MINDY4: variants seen among roughly 807,000 people sequenced by gnomAD.
MINDY4 encodes probable ubiquitin carboxyl-terminal hydrolase MINDY-4.
Under a neutral mutation model 87.0 loss-of-function variants are expected in MINDY4, and 68 were observed. The ratio of observed to expected loss-of-function variants is 0.78; its 90% CI spans 0.64 to 0.96. MINDY4 has a LOEUF of 0.96. Among genes scored for constraint, MINDY4 ranks in the 40% least tolerant of loss-of-function variants. MINDY4 has a pLI of 0.00. For missense variants in MINDY4, 919 were observed against 928.2 expected (o/e 0.99, Z 0.13); for synonymous variants, 379 against 363.2 (o/e 1.04, Z -0.50).
chr7:30,824,985 G>GT (rs1352241431), intron 5 of MINDY4, among the ~76,000 whole-genome samples: 2 of 123,012 alleles, frequency 1.6e-5, no homozygotes, highest in Admixed American at 7.0e-5. Context: ...CTCTCTCTGG[G>GT]GGGCATGAGA....
At chr7:30,808,928 T>G (rs1787898190) in intron 5 of MINDY4, among the ~76,000 whole-genome samples, 2 of 112,262 alleles carry the variant, frequency 1.8e-5, no homozygotes, top group African/African-American at 3.5e-5. Context: ...AAAGAGGGAG[T>G]CAAGGAGAGA....
intron 14 of MINDY4, among the ~76,000 whole-genome samples, chr7:30,873,169 G>T (rs1265559025): frequency 5.9e-5 from 9 of 152,330 alleles, no homozygotes; most frequent in Non-Finnish European, 1.2e-4. Context: ...GGGACCGTGG[G>T]GTTGGCTGCT....
intron 5 of MINDY4, among the ~76,000 whole-genome samples, chr7:30,817,326 A>G (rs993435169): frequency 2.6e-5 from 4 of 151,904 alleles, no homozygotes; most frequent in Non-Finnish European, 5.9e-5. Flanking sequence ...AGGAAAGTGA[A>G]AGGAAAAAAG....
chr7:30,836,151 G>GTCAA (rs1351633137), intron 6 of MINDY4, among the ~76,000 whole-genome samples: 1 of 152,178 alleles, frequency 6.6e-6, no homozygotes, highest in African/African-American at 2.4e-5. Context: ...AATTCAAGCA[G>GTCAA]TCAATAAATG....
At chr7:30,850,348 G>A (rs768534755) in intron 9 of MINDY4, 106 bp from the exon 10 acceptor site, 6 of 1,059,278 alleles carry the variant, frequency 5.7e-6, no homozygotes, top group Non-Finnish European at 8.3e-6. Flanking sequence ...GCCAGAGAAA[G>A]AACAGGCCAT....
At chr7:30,884,907 T>C (rs1476850891) in intron 17 of MINDY4, among the ~76,000 whole-genome samples, 1 of 152,158 alleles carries the variant, frequency 6.6e-6, no homozygotes, top group African/African-American at 2.4e-5. Flanking sequence ...TCCTCTTCTA[T>C]TGGCTGCCTT....
At chr7:30,833,714 TA>T (rs1299677115) in intron 6 of MINDY4, among the ~76,000 whole-genome samples, 1 of 152,218 alleles carries the variant, frequency 6.6e-6, no homozygotes, top group African/African-American at 2.4e-5. Context: ...TATTAGCCAG[TA>T]AAATCAAAAG....
intron 5 of MINDY4, among the ~76,000 whole-genome samples, chr7:30,799,965 CT>C (rs796096436): frequency 4.8e-4 from 73 of 152,278 alleles, no homozygotes; most frequent in African/African-American, 1.7e-3. Context: ...AGGGAGTGAG[CT>C]TTTTGTGCCC....
At chr7:30,849,958 G>A (rs1789351580) in intron 9 of MINDY4, among the ~76,000 whole-genome samples, 1 of 152,198 alleles carries the variant, frequency 6.6e-6, no homozygotes, top group Admixed American at 6.5e-5. Context: ...GTGTCTAAAT[G>A]TCCAGCAAGT....
intron 1 of MINDY4, among the ~76,000 whole-genome samples, chr7:30,772,309 ACTTGT>A (rs777630282): frequency 6.6e-6 from 1 of 152,094 alleles, no homozygotes; most frequent in African/African-American, 2.4e-5. Flanking sequence ...GGCGATGGGT[ACTTGT>A]CTTGTATGAA....
chr7:30,861,903 G>C (rs1322902957), intron 13 of MINDY4, among the ~76,000 whole-genome samples: 6 of 152,264 alleles, frequency 3.9e-5, no homozygotes, highest in Non-Finnish European at 7.3e-5. Context: ...GGCATGTCCA[G>C]AGCAACCGAG....
At chr7:30,843,068 C>T (rs1450247541) in intron 9 of MINDY4, among the ~76,000 whole-genome samples, 2 of 152,218 alleles carry the variant, frequency 1.3e-5, no homozygotes, top group African/African-American at 2.4e-5. Context: ...CACTCCAGAA[C>T]ACAAGCCCCG....
intron 10 of MINDY4, among the ~76,000 whole-genome samples, chr7:30,851,205 G>T (rs1240454835): frequency 1.3e-5 from 2 of 152,210 alleles, no homozygotes; most frequent in East Asian, 3.8e-4. Context: ...GATCACTTTT[G>T]GGGCCAAGGA....
At chr7:30,875,443 T>G in intron 14 of MINDY4, 52 bp from the exon 15 acceptor site, 1 of 1,600,252 alleles carries the variant, frequency 6.2e-7, no homozygotes, top group East Asian at 2.2e-5. Flanking sequence ...TCTCCACTCT[T>G]TCAGTAACTG....
intron 13 of MINDY4, among the ~76,000 whole-genome samples, chr7:30,870,807 A>G (rs938000157): frequency 2.6e-5 from 4 of 152,034 alleles, no homozygotes; most frequent in Non-Finnish European, 5.9e-5. Flanking sequence ...AGCCCTTCCT[A>G]CCCCTGGGTC....
At chr7:30,817,366 C>CTTT (rs572880227) in intron 5 of MINDY4, among the ~76,000 whole-genome samples, 11,227 of 113,946 alleles carry the variant, frequency 0.099, 1,033 homozygotes, top group African/African-American at 0.24. Flanking sequence ...TTGGGTTTGT[C>CTTT]TTTTTTTTTT....
intron 17 of MINDY4, 144 bp from the exon 18 acceptor site, chr7:30,891,813 G>A (rs1373368653): frequency 2.6e-6 from 2 of 780,292 alleles, no homozygotes; most frequent in Non-Finnish European, 4.5e-6. Flanking sequence ...GTGTGAATTT[G>A]GAGGGGTGAG....
intron 13 of MINDY4, among the ~76,000 whole-genome samples, chr7:30,860,624 A>G (rs1314386351): frequency 4.0e-5 from 6 of 151,858 alleles, no homozygotes; most frequent in Non-Finnish European, 8.8e-5. Flanking sequence ...GCCCCCATCC[A>G]TGCGGGGGCC....
At chr7:30,861,220 T>G (rs1032223589) in intron 13 of MINDY4, among the ~76,000 whole-genome samples, 3 of 152,218 alleles carry the variant, frequency 2.0e-5, no homozygotes, top group Admixed American at 1.3e-4. Flanking sequence ...GATTGGGCTT[T>G]GTCTTACACT....
Sources: gnomAD v4.1 joint callset for allele counts (sites outside exome capture counted in the v4.1 genomes callset) on GRCh38, gnomAD v4.1.1 for gene constraint, MANE v1.5 for transcripts, NCBI Gene and HGNC (gene_info 2026-07-23, HGNC 2026-07-21) for gene names.